Variants in HUNK observed in about 807,000 individuals in gnomAD.
HUNK encodes the protein hormonally up-regulated Neu-associated kinase.
HUNK carries 21 observed loss-of-function variants against 61.0 expected under a neutral mutation model. The observed-to-expected ratio is 0.34, with a 90% CI of 0.24 to 0.50. The LOEUF is 0.50. Among genes scored for constraint, HUNK ranks in the 20% least tolerant of loss-of-function variants. The probability of loss-of-function intolerance (pLI) is 0.98; values close to 1 mark genes in which losing one functional copy is unlikely to be tolerated. For missense variants in HUNK, 772 were observed against 945.7 expected (o/e 0.82, Z 2.41); for synonymous variants, 371 against 386.1 (o/e 0.96, Z 0.46).
At position 31,958,895 on chromosome 21, in the gene HUNK, C is replaced by G. The variant is rs776863029; in HGVS notation, c.799C>G (p.Pro267Ala). 1 of 1,610,552 alleles carries G rather than the reference C, an allele frequency of 6.2e-7. No individual in the cohort carries two copies. Among genetic ancestry groups the G allele is most frequent in the Non-Finnish European group, 8.5e-7 (1 of 1,178,778 alleles). Residue 267 changes from proline to alanine, a missense_variant, in exon 5 of 11, where the codon CCT becomes GCT. Pro to Ala is a conservative substitution (Grantham distance 27, BLOSUM62 -1). Coordinates refer to ENST00000270112, the MANE Select transcript of HUNK (RefSeq NM_014586.2). ...LTGTLPFTVE[P>A]FSLRALYQKM... ...CGGGACGCTGCCTTTCACGGTGGAG[C>G]CTTTCAGCCTGAGGGCTTTGTACCA...
chr21:31,926,704 C>T (rs1391213128), intron 2 of HUNK, among the ~76,000 whole-genome samples: 2 of 152,106 alleles, frequency 1.3e-5, no homozygotes, highest in Non-Finnish European at 2.9e-5. Context: ...CTGCATAATA[C>T]TCCATGTATG....
At chr21:31,982,886 C>A (rs988030972) in intron 7 of HUNK, among the ~76,000 whole-genome samples, 1 of 152,304 alleles carries the variant, frequency 6.6e-6, no homozygotes, top group East Asian at 1.9e-4. Context: ...TCACTGCAGC[C>A]TCCACCTCCC....
chr21:31,936,979 C>A (rs1255416619), intron 2 of HUNK, among the ~76,000 whole-genome samples: 1 of 152,154 alleles, frequency 6.6e-6, no homozygotes, highest in Non-Finnish European at 1.5e-5. Context: ...GGCTTAACTT[C>A]GTTTGAAACA....
At chr21:31,943,252 C>CA (rs1184312903) in intron 3 of HUNK, among the ~76,000 whole-genome samples, 4 of 151,582 alleles carry the variant, frequency 2.6e-5, no homozygotes, top group African/African-American at 7.3e-5. Context: ...TTTTCCCTTT[C>CA]AAAAAAAGCA....
At chr21:31,875,313 T>C (rs1342392877) in intron 1 of HUNK, among the ~76,000 whole-genome samples, 1 of 152,162 alleles carries the variant, frequency 6.6e-6, no homozygotes, top group Non-Finnish European at 1.5e-5. Context: ...TCTTGGAGCC[T>C]TTTGCCTGTG....
At chr21:31,956,882 G>A (rs1568934289) in intron 4 of HUNK, among the ~76,000 whole-genome samples, 1 of 152,250 alleles carries the variant, frequency 6.6e-6, no homozygotes, top group East Asian at 1.9e-4. Context: ...CCTGGGGTAC[G>A]TTTTCCACTA....
intron 1 of HUNK, among the ~76,000 whole-genome samples, chr21:31,892,815 G>A (rs1039296462): frequency 6.6e-6 from 1 of 152,082 alleles, no homozygotes; most frequent in Non-Finnish European, 1.5e-5. Context: ...TGAGGACCGC[G>A]ATGCCTCTCT....
At chr21:31,882,064 C>G (rs778182328) in intron 1 of HUNK, among the ~76,000 whole-genome samples, 2 of 146,520 alleles carry the variant, frequency 1.4e-5, no homozygotes, top group South Asian at 4.2e-4. Context: ...TGGGAAGAGA[C>G]CCCCCCTCCC....
chr21:31,966,128 T>TAA (rs1309825284), intron 5 of HUNK, among the ~76,000 whole-genome samples: 1 of 152,170 alleles, frequency 6.6e-6, no homozygotes, highest in African/African-American at 2.4e-5. Context: ...CTTCATAGCT[T>TAA]AGCTCCCACT....
At position 31,933,784 on chromosome 21, in the gene HUNK, C is replaced by CAAA. The variant is rs373565140; in HGVS notation, c.555-6367_555-6365dup. 7.6e-3 allele frequency among the ~76,000 whole-genome samples: 841 copies of CAAA among 111,226 alleles called. 11 individuals carry two copies. The highest frequency in any genetic ancestry group is 0.025 in the African/African-American group (795 of 31,962). The allele number at this position is 111,226 out of a possible 152,430, so 73.0% of individuals were successfully genotyped here. On this transcript the variant is annotated intron_variant, in intron 2 of 10. Transcript: ENST00000270112. ...TGGGGAACAGAGCAAGACTCTGTCT[C>CAAA]AAAAAAAAAAAAAAAAGGTTAACAC...
chr21:31,889,251 C>T (rs1219774435), intron 1 of HUNK, among the ~76,000 whole-genome samples: 3 of 152,194 alleles, frequency 2.0e-5, no homozygotes, highest in African/African-American at 7.2e-5. Context: ...ATTGCTTAGT[C>T]CCCGGTTGGG....
At chr21:31,997,550 A>G (rs1218335584) in intron 10 of HUNK, among the ~76,000 whole-genome samples, 3 of 152,206 alleles carry the variant, frequency 2.0e-5, no homozygotes, top group Non-Finnish European at 4.4e-5. Context: ...TCATAGAGAC[A>G]GGCAGTAAAA....
chr21:31,951,569 G>C (rs369342321), intron 4 of HUNK, among the ~76,000 whole-genome samples: 2 of 152,036 alleles, frequency 1.3e-5, no homozygotes, highest in Admixed American at 6.6e-5. Flanking sequence ...AAGTATTTGC[G>C]TGAGGGCCTG....
intron 6 of HUNK, among the ~76,000 whole-genome samples, chr21:31,973,425 C>T (rs1047243638): frequency 3.9e-5 from 6 of 152,058 alleles, no homozygotes; most frequent in South Asian, 4.1e-4. Flanking sequence ...TCTGTCCTTG[C>T]GATAGTTTGT....
At chr21:31,972,453 C>A (rs1290469554) in intron 6 of HUNK, among the ~76,000 whole-genome samples, 1 of 152,080 alleles carries the variant, frequency 6.6e-6, no homozygotes, top group Non-Finnish European at 1.5e-5. Context: ...GTCAGTTGAC[C>A]ATTTACATTT....
chr21:31,916,240 C>T (rs956130067), intron 1 of HUNK, among the ~76,000 whole-genome samples: 3 of 151,514 alleles, frequency 2.0e-5, no homozygotes, highest in East Asian at 1.9e-4. Context: ...TTAGTAGAGA[C>T]GGGGTTTCAC....
At chr21:31,893,784 C>A (rs139992297) in intron 1 of HUNK, among the ~76,000 whole-genome samples, 3 of 152,320 alleles carry the variant, frequency 2.0e-5, no homozygotes, top group Non-Finnish European at 4.4e-5. Context: ...AGGTAGGCAA[C>A]ACCTGCCTCA....
Position 31,983,571 on chromosome 21 carries a change from C to G in HUNK, c.1219C>G (p.Gln407Glu). 1 of 1,613,858 alleles carries G rather than the reference C, an allele frequency of 6.2e-7. No individual in the cohort carries two copies. Among genetic ancestry groups the G allele is most frequent in the Non-Finnish European group, 8.5e-7 (1 of 1,179,954 alleles). Residue 407 changes from glutamine to glutamate, a missense_variant, in exon 8 of 11, where the codon CAG (glutamine) becomes GAG (glutamate). This residue lies in a region of HUNK where 413 missense variants were observed against 444.4 expected (regional missense o/e 0.93). Transcript: ENST00000270112. Reference sequence around the variant, plus strand: ...CCTCTGCTACAAGACCCGGCTCTACCAGATAGAAAAGTACAGGGCCCCCAA... The same window carrying G: ...CCTCTGCTACAAGACCCGGCTCTACGAGATAGAAAAGTACAGGGCCCCCAA... Reference protein sequence around the residue: ...DSLCYKTRLYQIEKYRAPKES... With the variant: ...DSLCYKTRLYEIEKYRAPKES...
rs1220017795 is a variant in HUNK at position 31,924,099 on chromosome 21, C to G, written c.262-369C>G. 6.6e-6 allele frequency among the ~76,000 whole-genome samples: 1 copy of G among 152,098 alleles called. No homozygotes were observed. The highest frequency in any genetic ancestry group is 1.5e-5 in the Non-Finnish European group (1 of 68,012). ...GTCCTGAGGGGGACTGGGACAAGCC[C>G]TTTGCTGGAAGAGAAATTGTTATTT... On this transcript the variant is annotated intron_variant, in intron 1 of 10. Transcript: ENST00000270112. The surrounding 1 kb of genome is among the most constrained non-coding windows in gnomAD (Gnocchi z 5.1).
Sources: allele counts gnomAD v4.1 joint callset (sites outside exome capture counted in the v4.1 genomes callset), GRCh38; gene constraint gnomAD v4.1.1; regional missense constraint gnomAD v4.1.1; non-coding constraint Gnocchi (gnomAD v3.1); transcripts MANE v1.5; gene names NCBI Gene and HGNC (gene_info 2026-07-23, HGNC 2026-07-21).